KIAA0825: variants seen among roughly 807,000 people sequenced by gnomAD.
The protein encoded by KIAA0825 is uncharacterized protein KIAA0825.
A neutral mutation model predicts 147.6 loss-of-function variants in KIAA0825; 119 were observed. The ratio of observed to expected loss-of-function variants is 0.81; its 90% CI spans 0.69 to 0.94. The LOEUF (loss-of-function observed/expected upper bound fraction) is 0.94. Among genes scored for constraint, KIAA0825 ranks in the 40% least tolerant of loss-of-function variants. KIAA0825 has a pLI of 0.00. For missense variants in KIAA0825, 1,381 were observed against 1,472.7 expected (o/e 0.94, Z 1.02); for synonymous variants, 470 against 518.1 (o/e 0.91, Z 1.26).
chr5:94,279,610 T>C (rs1477665316), intron 20 of KIAA0825, among the ~76,000 whole-genome samples: 1 of 152,040 alleles, frequency 6.6e-6, no homozygotes. Flanking sequence ...TACTCAATCT[T>C]ACCTCTCCCC....
chr5:94,539,616 C>A (rs921403776), intron 2 of KIAA0825, among the ~76,000 whole-genome samples: 1 of 152,130 alleles, frequency 6.6e-6, no homozygotes, highest in East Asian at 1.9e-4. Flanking sequence ...GATCAGCCAA[C>A]TCTGGGTAAG....
chr5:94,609,186 T>C (rs1174684709), intron 1 of KIAA0825, among the ~76,000 whole-genome samples: 1 of 152,174 alleles, frequency 6.6e-6, no homozygotes, highest in Non-Finnish European at 1.5e-5. Flanking sequence ...ACTACATACA[T>C]GTGTAAGGTT....
At chr5:94,593,597 T>C (rs985519635) in intron 1 of KIAA0825, 31 of 527,270 alleles carry the variant, frequency 5.9e-5, no homozygotes, top group Non-Finnish European at 1.0e-4. Flanking sequence ...ACTATGTTAT[T>C]GATGTCAGAG....
At chr5:94,250,298 A>C (rs1775881318) in intron 20 of KIAA0825, among the ~76,000 whole-genome samples, 1 of 152,176 alleles carries the variant, frequency 6.6e-6, no homozygotes, top group Non-Finnish European at 1.5e-5. Context: ...GCATATATTA[A>C]AATGTTGATT....
chr5:94,152,111 A>G lies in KIAA0825; in HGVS notation c.*1896T>C, dbSNP rs1766546570. ...TGATTATACTGGCCAACTAAAGTAC[A>G]TTTTTTAAAAATAAAATGTGTTATT... On this transcript the variant is annotated 3_prime_UTR_variant, in exon 21 of 21. Coordinates refer to ENST00000682413, the MANE Select transcript of KIAA0825 (RefSeq NM_001145678.3). Among the ~76,000 whole-genome samples the G allele has an allele frequency of 1.3e-5, 2 of 152,240 alleles. No homozygotes were observed. The highest frequency in any genetic ancestry group is 4.1e-4 in the South Asian group (2 of 4,834).
At chr5:94,352,582 G>A (rs753538414) in intron 20 of KIAA0825, among the ~76,000 whole-genome samples, 12 of 152,138 alleles carry the variant, frequency 7.9e-5, no homozygotes, top group Non-Finnish European at 1.5e-4. Context: ...TCTACCCAGA[G>A]GGAAAAAAGT....
At chr5:94,433,674 G>T (rs1419952059) in intron 14 of KIAA0825, among the ~76,000 whole-genome samples, 1 of 152,126 alleles carries the variant, frequency 6.6e-6, no homozygotes, top group African/African-American at 2.4e-5. Flanking sequence ...AAAGGGAAAT[G>T]ACAATCATAC....
chr5:94,609,978 A>G (rs367746935), intron 1 of KIAA0825, among the ~76,000 whole-genome samples: 57 of 152,342 alleles, frequency 3.7e-4, no homozygotes, highest in South Asian at 8.3e-4. Flanking sequence ...GATGGCTAGC[A>G]TGAATATATG....
chr5:94,457,456 G>A (rs776217358), intron 12 of KIAA0825, among the ~76,000 whole-genome samples: 3 of 152,222 alleles, frequency 2.0e-5, no homozygotes, highest in Non-Finnish European at 4.4e-5. Context: ...CTGTAAAGAT[G>A]ACTTTGCTTA....
intron 14 of KIAA0825, among the ~76,000 whole-genome samples, chr5:94,423,728 A>G (rs1257341326): frequency 2.6e-5 from 4 of 152,226 alleles, no homozygotes; most frequent in African/African-American, 9.6e-5. Context: ...GGAGGCTGAA[A>G]GACTCATTTT....
At chr5:94,471,386 C>T in intron 9 of KIAA0825, 80 bp downstream of exon 9, 1 of 1,391,962 alleles carries the variant, frequency 7.2e-7, no homozygotes, top group Non-Finnish European at 9.7e-7. Context: ...AATCTTATTA[C>T]CAAAATTTCA....
intron 20 of KIAA0825, among the ~76,000 whole-genome samples, chr5:94,203,323 T>C (rs1771868141): frequency 6.6e-6 from 1 of 152,160 alleles, no homozygotes; most frequent in Non-Finnish European, 1.5e-5. Flanking sequence ...TGATAGGCAG[T>C]GGAAGAGTGA....
chr5:94,330,748 C>A (rs1168602356), intron 20 of KIAA0825, among the ~76,000 whole-genome samples: 1 of 152,052 alleles, frequency 6.6e-6, no homozygotes, highest in East Asian at 1.9e-4. Context: ...AAAGTCAGTT[C>A]TTTAAAAGGG....
intron 20 of KIAA0825, among the ~76,000 whole-genome samples, chr5:94,239,070 T>A (rs2150100999): frequency 6.6e-6 from 1 of 152,324 alleles, no homozygotes; most frequent in Admixed American, 6.5e-5. Flanking sequence ...GTTCTTTAGT[T>A]TTTCTGTTAA....
At chr5:94,524,231 G>T in intron 3 of KIAA0825, 133 bp from the exon 4 acceptor site, 1 of 479,092 alleles carries the variant, frequency 2.1e-6, no homozygotes, top group Non-Finnish European at 3.6e-6. Context: ...CATATGATAT[G>T]AAAATAATAA....
chr5:94,486,846 A>C (rs772572649), intron 5 of KIAA0825, among the ~76,000 whole-genome samples: 1 of 152,106 alleles, frequency 6.6e-6, no homozygotes, highest in Non-Finnish European at 1.5e-5. Flanking sequence ...CTAAACCTTA[A>C]ATTTCCTTTT....
At chr5:94,590,665 G>A (rs923805256) in intron 1 of KIAA0825, among the ~76,000 whole-genome samples, 6 of 152,070 alleles carry the variant, frequency 3.9e-5, no homozygotes, top group African/African-American at 9.7e-5. Flanking sequence ...AATGTCAGCC[G>A]GCTTTAAAGC....
At chr5:94,279,370 A>G (rs1217268446) in intron 20 of KIAA0825, among the ~76,000 whole-genome samples, 1 of 152,092 alleles carries the variant, frequency 6.6e-6, no homozygotes, top group African/African-American at 2.4e-5. Flanking sequence ...ATCCGGTGCT[A>G]GACAATCTAT....
chr5:94,268,579 A>T (rs1776840966), intron 20 of KIAA0825, among the ~76,000 whole-genome samples: 1 of 152,128 alleles, frequency 6.6e-6, no homozygotes, highest in South Asian at 2.1e-4. Context: ...GCCAAATGAG[A>T]TGAAGAGACC....
Sources: gnomAD v4.1 joint callset for allele counts (sites outside exome capture counted in the v4.1 genomes callset) on GRCh38, gnomAD v4.1.1 for gene constraint, MANE v1.5 for transcripts, NCBI Gene and HGNC (gene_info 2026-07-23, HGNC 2026-07-21) for gene names.